The following CHN2 variants were observed in gnomAD, a reference collection of about 807,000 sequenced individuals.
The protein encoded by CHN2 is chimerin 2.
Under a neutral mutation model 56.3 loss-of-function variants are expected in CHN2, and 35 were observed. The observed-to-expected ratio is 0.62, with a 90% CI of 0.47 to 0.82. The LOEUF (loss-of-function observed/expected upper bound fraction) is 0.82, where lower values mean the gene tolerates loss of function less well. CHN2 is among the 40% of genes least tolerant of loss of function. The pLI, the probability that CHN2 is intolerant of heterozygous loss-of-function variation, is 0.00. For synonymous variants in CHN2, 210 were observed against 212.8 expected (o/e 0.99, Z 0.12); for missense variants, 491 against 580.5 (o/e 0.85, Z 1.58).
rs1800587343 is a variant in CHN2 at position 29,382,426 on chromosome 7, G to T, written c.145-11253G>T. On this transcript the variant is annotated intron_variant, in intron 3 of 12. Coordinates refer to ENST00000222792, the MANE Select transcript of CHN2 (RefSeq NM_004067.4). ...GGAACAAGTTTTGTCCCGTAGCTTGGAAGCATAAAGCATCAAGGTGTGAGC... is the reference window on the plus strand; with the variant it reads ...GGAACAAGTTTTGTCCCGTAGCTTGTAAGCATAAAGCATCAAGGTGTGAGC... 1.3e-5 allele frequency among the ~76,000 whole-genome samples: 2 copies of T among 152,200 alleles called. 1 individual carries two copies. The highest frequency in any genetic ancestry group is 4.1e-4 in the South Asian group (2 of 4,828).
chr7:29,348,497 C>A (rs926281324), intron 1 of CHN2, among the ~76,000 whole-genome samples: 18 of 152,114 alleles, frequency 1.2e-4, no homozygotes, highest in African/African-American at 4.3e-4. Context: ...CCCCTCCTTC[C>A]CCATCCTTTC....
chr7:29,466,046 A>G (rs1302199191), intron 6 of CHN2, among the ~76,000 whole-genome samples: 2 of 152,186 alleles, frequency 1.3e-5, no homozygotes, highest in Non-Finnish European at 2.9e-5. Context: ...TCTATTAAAA[A>G]TATGAAAATT....
At chr7:29,492,323 A>G (rs922057835) in intron 7 of CHN2, among the ~76,000 whole-genome samples, 4 of 152,012 alleles carry the variant, frequency 2.6e-5, no homozygotes, top group Non-Finnish European at 5.9e-5. Context: ...GGTATTCTGC[A>G]ATTTCAGTAT....
At chr7:29,383,420 G>A (rs1800675044) in intron 3 of CHN2, among the ~76,000 whole-genome samples, 1 of 152,108 alleles carries the variant, frequency 6.6e-6, no homozygotes. Context: ...ACCTTCCTCT[G>A]CCTCTTTGTT....
At chr7:29,262,750 C>T (rs1434958798) in intron 1 of CHN2, among the ~76,000 whole-genome samples, 2 of 152,068 alleles carry the variant, frequency 1.3e-5, no homozygotes, top group South Asian at 4.1e-4. Context: ...ATTAATGCCA[C>T]TGACTGTATA....
intron 2 of CHN2, among the ~76,000 whole-genome samples, chr7:29,183,240 A>G (rs965428197): frequency 6.6e-6 from 1 of 152,044 alleles, no homozygotes; most frequent in African/African-American, 2.4e-5. Context: ...ATATGCCAAC[A>G]TGACTGGCTA....
intron 1 of CHN2, among the ~76,000 whole-genome samples, chr7:29,237,062 A>C (rs950266188): frequency 6.6e-6 from 1 of 152,232 alleles, no homozygotes; most frequent in Non-Finnish European, 1.5e-5. Flanking sequence ...CAAGGTGCCA[A>C]GGATGACAGT....
At chr7:29,371,898 A>G (rs1328284106) in intron 3 of CHN2, among the ~76,000 whole-genome samples, 4 of 151,830 alleles carry the variant, frequency 2.6e-5, no homozygotes, top group Non-Finnish European at 5.9e-5. Context: ...GGCCATTGTC[A>G]TTTCTTGCCT....
chr7:29,158,196 G>A (rs1225769469), intron 2 of CHN2, among the ~76,000 whole-genome samples: 5 of 152,162 alleles, frequency 3.3e-5, no homozygotes, highest in East Asian at 1.9e-4. Context: ...CATGAGTTCC[G>A]GAATGAATGA....
At chr7:29,300,272 T>C (rs1201924867) in intron 1 of CHN2, among the ~76,000 whole-genome samples, 1 of 152,134 alleles carries the variant, frequency 6.6e-6, no homozygotes, top group African/African-American at 2.4e-5. Flanking sequence ...AAATGAGGTG[T>C]TGAAGCCTTC....
intron 7 of CHN2, among the ~76,000 whole-genome samples, chr7:29,494,515 T>C (rs1789027088): frequency 6.6e-6 from 1 of 152,184 alleles, no homozygotes; most frequent in South Asian, 2.1e-4. Flanking sequence ...CATTTGGCCC[T>C]GTAAGTCCTT....
chr7:29,195,087 C>A, intron 1 of CHN2, 97 bp downstream of exon 1: 1 of 1,321,792 alleles, frequency 7.6e-7, no homozygotes, highest in Admixed American at 2.3e-5. Context: ...CTGTGGCCAT[C>A]CCGCCCGCTC....
chr7:29,395,509 CA>C (rs199706060), intron 4 of CHN2, among the ~76,000 whole-genome samples: 2 of 149,576 alleles, frequency 1.3e-5, no homozygotes, highest in Admixed American at 6.7e-5. Flanking sequence ...AGACCTTGTA[CA>C]AAAAAAAATT....
chr7:29,464,433 A>G (rs1785404259), intron 6 of CHN2, among the ~76,000 whole-genome samples: 4 of 152,202 alleles, frequency 2.6e-5, no homozygotes, highest in Admixed American at 2.6e-4. Flanking sequence ...ACCTGACTGG[A>G]TGATATAGAA....
At chr7:29,432,725 C>T (rs1314641328) in intron 6 of CHN2, among the ~76,000 whole-genome samples, 1 of 152,224 alleles carries the variant, frequency 6.6e-6, no homozygotes. Context: ...TATAATGATC[C>T]CTGGATTATT....
rs1226122239 is a variant in CHN2 at position 29,352,891 on chromosome 7, C to T, written c.50-1734C>T. Among the ~76,000 whole-genome samples, 20 of 152,034 alleles carry T rather than the reference C, an allele frequency of 1.3e-4. 1 individual carries two copies. The highest frequency in any genetic ancestry group is 1.3e-3 in the Admixed American group (20 of 15,284). On this transcript the variant is annotated intron_variant, in intron 1 of 12. Transcript: ENST00000222792. ...TTTATAAACTAATACTCATGTTAAC[C>T]CATTGAAATTGATTTGTGTCACCTA...
intron 1 of CHN2, among the ~76,000 whole-genome samples, chr7:29,200,477 C>A (rs910214604): frequency 7.3e-6 from 1 of 137,040 alleles, no homozygotes; most frequent in Non-Finnish European, 1.6e-5. Flanking sequence ...TCCCCCCTTC[C>A]CCCCCCCTTT....
At chr7:29,346,412 G>C (rs142404763) in intron 1 of CHN2, among the ~76,000 whole-genome samples, 3 of 152,150 alleles carry the variant, frequency 2.0e-5, no homozygotes. Context: ...TCATCTCATC[G>C]TGAGGCTGTT....
At chr7:29,201,550 A>G (rs927698812) in intron 1 of CHN2, among the ~76,000 whole-genome samples, 1 of 152,218 alleles carries the variant, frequency 6.6e-6, no homozygotes, top group Admixed American at 6.5e-5. Flanking sequence ...TAAAGGCACA[A>G]AGATTTAAGT....
Sources: allele counts gnomAD v4.1 joint callset (sites outside exome capture counted in the v4.1 genomes callset), GRCh38; gene constraint gnomAD v4.1.1; transcripts MANE v1.5; gene names NCBI Gene and HGNC (gene_info 2026-07-23, HGNC 2026-07-21).